The following MACROD2 variants were observed in gnomAD, a reference collection of about 807,000 sequenced individuals.
MACROD2 encodes the protein mono-ADP ribosylhydrolase 2.
In MACROD2, 36 loss-of-function variants were observed where a neutral mutation model predicts 70.4. That is an observed-to-expected ratio of 0.51 (90% confidence interval 0.39 to 0.68). The LOEUF is 0.68. Among genes scored for constraint, MACROD2 ranks in the 30% least tolerant of loss-of-function variants. The probability of loss-of-function intolerance (pLI) is 0.00; values close to 1 mark genes in which losing one functional copy is unlikely to be tolerated. For missense variants in MACROD2, 496 were observed against 538.4 expected, an observed-to-expected ratio of 0.92 and a Z score of 0.78; for synonymous variants, 172 against 178.8, an observed-to-expected ratio of 0.96 and a Z score of 0.30.
chr20:15,115,094 A>T (rs1050730203), intron 5 of MACROD2, among the ~76,000 whole-genome samples: 2 of 152,118 alleles, frequency 1.3e-5, no homozygotes, highest in Non-Finnish European at 2.9e-5. Flanking sequence ...TCTTCAAATG[A>T]ATTCCTCTTC....
At chr20:15,849,531 CATTTT>C (rs1366074976) in intron 8 of MACROD2, among the ~76,000 whole-genome samples, 1 of 152,156 alleles carries the variant, frequency 6.6e-6, no homozygotes, top group Admixed American at 6.6e-5. Flanking sequence ...ATAGCATTCT[CATTTT>C]GAGTGGAGAT....
intron 5 of MACROD2, among the ~76,000 whole-genome samples, chr20:14,979,386 G>A (rs780252455): frequency 1.3e-5 from 2 of 152,086 alleles, no homozygotes; most frequent in Non-Finnish European, 2.9e-5. Flanking sequence ...AGTGAGGCAT[G>A]TACTTCCATT....
At chr20:14,739,187 C>T (rs1456716377) in intron 5 of MACROD2, among the ~76,000 whole-genome samples, 6 of 152,042 alleles carry the variant, frequency 3.9e-5, no homozygotes. Context: ...CTCTTGCTCT[C>T]ATAATTTTAC....
rs1465250860 is a variant in MACROD2 at position 15,197,126 on chromosome 20, C to T, written c.419-32814C>T. 4 of 544,298 alleles carry T rather than the reference C, an allele frequency of 7.3e-6. No homozygotes were observed. The East Asian group carries it at 5.8e-4, about 79-fold the overall frequency. The allele number at this position is 544,298 out of a possible 1,614,324, so 33.7% of individuals were successfully genotyped here. On this transcript the variant is annotated intron_variant, in intron 5 of 17. Coordinates refer to ENST00000684519, the MANE Select transcript of MACROD2 (RefSeq NM_001351661.2). ...TCATGCCCTGGTGAGTTTCCCTGTTCCCCATATATGAGTGACTCTTTTTTA... is the reference window on the plus strand; with the variant it reads ...TCATGCCCTGGTGAGTTTCCCTGTTTCCCATATATGAGTGACTCTTTTTTA...
At chr20:14,302,417 AAG>A (rs1307567471) in intron 3 of MACROD2, among the ~76,000 whole-genome samples, 1 of 152,158 alleles carries the variant, frequency 6.6e-6, no homozygotes, top group African/African-American at 2.4e-5. Flanking sequence ...GATGTTATAA[AAG>A]AGTGAAAATC....
chr20:14,055,718 A>G (rs1601166785), intron 2 of MACROD2, among the ~76,000 whole-genome samples: 1 of 145,504 alleles, frequency 6.9e-6, no homozygotes. Context: ...TCTCCCCAAC[A>G]TTGCTGAGAG....
At chr20:14,453,495 G>T (rs2084266872) in intron 3 of MACROD2, among the ~76,000 whole-genome samples, 1 of 152,042 alleles carries the variant, frequency 6.6e-6, no homozygotes, top group Admixed American at 6.6e-5. Flanking sequence ...ATCTGTCTTT[G>T]CATTCCTAAC....
intron 2 of MACROD2, among the ~76,000 whole-genome samples, chr20:14,069,371 C>T (rs957435338): frequency 6.6e-6 from 1 of 151,892 alleles, no homozygotes; most frequent in Non-Finnish European, 1.5e-5. Context: ...GGCCCACATC[C>T]CTGCATGACA....
intron 2 of MACROD2, among the ~76,000 whole-genome samples, chr20:14,043,003 C>T (rs868867943): frequency 8.8e-5 from 13 of 146,982 alleles, no homozygotes; most frequent in Non-Finnish European, 7.6e-5. Flanking sequence ...ACCACAGCCT[C>T]GACCTTCTGA....
At chr20:15,145,087 T>C (rs984649625) in intron 5 of MACROD2, among the ~76,000 whole-genome samples, 6 of 152,160 alleles carry the variant, frequency 3.9e-5, no homozygotes, top group Non-Finnish European at 5.9e-5. Context: ...AATGGTTATC[T>C]TGGAGTCTGT....
At chr20:14,100,120 C>A (rs888848028) in intron 3 of MACROD2, among the ~76,000 whole-genome samples, 28 of 151,754 alleles carry the variant, frequency 1.8e-4, no homozygotes, top group African/African-American at 6.8e-4. Context: ...GAAGGTAATA[C>A]TATTATTATT....
chr20:14,719,016 G>A (rs779793196), intron 5 of MACROD2, among the ~76,000 whole-genome samples: 3 of 151,998 alleles, frequency 2.0e-5, no homozygotes, highest in Non-Finnish European at 2.9e-5. Flanking sequence ...GGCAGATCAC[G>A]AGATCAAGAG....
intron 6 of MACROD2, among the ~76,000 whole-genome samples, chr20:15,313,677 T>G (rs1035792997): frequency 6.6e-6 from 1 of 152,050 alleles, no homozygotes; most frequent in Non-Finnish European, 1.5e-5. Flanking sequence ...ATAAGGTGTG[T>G]GTTGTTGCTC....
chr20:15,571,958 T>G (rs752856256), intron 8 of MACROD2, among the ~76,000 whole-genome samples: 5 of 152,124 alleles, frequency 3.3e-5, no homozygotes, highest in African/African-American at 7.2e-5. Flanking sequence ...TTCCCAAACT[T>G]ATTTTGACCA....
At chr20:15,769,018 A>G (rs1008542253) in intron 8 of MACROD2, among the ~76,000 whole-genome samples, 5 of 152,352 alleles carry the variant, frequency 3.3e-5, no homozygotes, top group South Asian at 4.1e-4. Flanking sequence ...GGATACCTGA[A>G]GGACCTTCCT....
chr20:15,848,904 A>G lies in MACROD2; in HGVS notation c.646-13841A>G, dbSNP rs2064265145. 2.0e-5 allele frequency among the ~76,000 whole-genome samples: 3 copies of G among 152,188 alleles called. No homozygotes were observed. In the South Asian group the frequency reaches 6.2e-4, roughly 32 times the overall value. On this transcript the variant is annotated intron_variant, in intron 8 of 17. Coordinates refer to ENST00000684519, the MANE Select transcript of MACROD2 (RefSeq NM_001351661.2). ...CTGATTACAAGCTGGAAAGATGACTAAAAAGGGGTGTCTCCTCCAGGGATC... is the reference window on the plus strand; with the variant it reads ...CTGATTACAAGCTGGAAAGATGACTGAAAAGGGGTGTCTCCTCCAGGGATC...
chr20:14,583,295 A>T (rs965029584), intron 4 of MACROD2, among the ~76,000 whole-genome samples: 6 of 152,156 alleles, frequency 3.9e-5, no homozygotes, highest in Admixed American at 3.9e-4. Context: ...AATAATGAGG[A>T]TGTTAATGCC....
intron 5 of MACROD2, among the ~76,000 whole-genome samples, chr20:14,760,084 A>G (rs915557811): frequency 2.6e-5 from 4 of 152,126 alleles, no homozygotes; most frequent in Admixed American, 1.3e-4. Context: ...TAAATGAGCC[A>G]TAAACTGCTG....
At chr20:15,081,168 A>C (rs527365051) in intron 5 of MACROD2, among the ~76,000 whole-genome samples, 1 of 151,612 alleles carries the variant, frequency 6.6e-6, no homozygotes, top group East Asian at 1.9e-4. Flanking sequence ...AAACATTAAA[A>C]AATAAAATAA....
Sources: gnomAD v4.1 joint callset for allele counts (sites outside exome capture counted in the v4.1 genomes callset) on GRCh38, gnomAD v4.1.1 for gene constraint, MANE v1.5 for transcripts, NCBI Gene and HGNC (gene_info 2026-07-23, HGNC 2026-07-21) for gene names.